CELA2B: variants seen among roughly 807,000 people sequenced by gnomAD.
The protein encoded by CELA2B is chymotrypsin like elastase 2B, also known as chymotrypsin-like elastase family member 2B.
Under a neutral mutation model 36.5 loss-of-function variants are expected in CELA2B, and 27 were observed. The ratio of observed to expected loss-of-function variants is 0.74; its 90% CI spans 0.55 to 1.02. The LOEUF is 1.02. Ranked by LOEUF, CELA2B falls within the 50% of genes least tolerant of loss-of-function variation. The pLI is 0.00. For synonymous variants in CELA2B, 143 were observed against 148.5 expected (o/e 0.96, Z 0.27); for missense variants, 340 against 347.8 (o/e 0.98, Z 0.18).
chr1:15,480,734 C>T (rs1708729845), intron 2 of CELA2B, among the ~76,000 whole-genome samples: 1 of 152,086 alleles, frequency 6.6e-6, no homozygotes, highest in Non-Finnish European at 1.5e-5. Flanking sequence ...ATTATGGGAA[C>T]TATAATTCAG....
At chr1:15,481,689 T>C in intron 3 of CELA2B, 1 of 471,032 alleles carries the variant, frequency 2.1e-6, no homozygotes, top group Non-Finnish European at 4.4e-6. Context: ...TGTTCACTTA[T>C]CCTCTTCTTT....
intron 5 of CELA2B, among the ~76,000 whole-genome samples, chr1:15,484,223 T>A (rs1183139456): frequency 1.3e-5 from 2 of 152,170 alleles, no homozygotes; most frequent in Non-Finnish European, 2.9e-5. Flanking sequence ...CTGTGCCATT[T>A]GGTCTTGCTA....
At chr1:15,480,729 G>A (rs571986609) in intron 2 of CELA2B, among the ~76,000 whole-genome samples, 2 of 152,148 alleles carry the variant, frequency 1.3e-5, no homozygotes, top group African/African-American at 4.8e-5. Flanking sequence ...TGGGGATTAT[G>A]GGAACTATAA....
chr1:15,479,569 A>C (rs1197572458), intron 2 of CELA2B, among the ~76,000 whole-genome samples: 1 of 152,148 alleles, frequency 6.6e-6, no homozygotes, highest in East Asian at 1.9e-4. Flanking sequence ...AATAAAGTGG[A>C]AGAGACAATA....
At chr1:15,480,090 T>G (rs1340928073) in intron 2 of CELA2B, among the ~76,000 whole-genome samples, 1 of 151,994 alleles carries the variant, frequency 6.6e-6, no homozygotes, top group Non-Finnish European at 1.5e-5. Flanking sequence ...TGAGAAAATG[T>G]GGGTGGGAAT....
At chr1:15,488,908 G>A (rs1305760167) in intron 7 of CELA2B, among the ~76,000 whole-genome samples, 1 of 152,180 alleles carries the variant, frequency 6.6e-6, no homozygotes, top group Non-Finnish European at 1.5e-5. Context: ...TTGCCAACAA[G>A]TGGTCATAGG....
Position 15,491,365 on chromosome 1 carries a change from A to T in CELA2B, c.*53A>T. 1.3e-6 allele frequency: 2 copies of T among 1,596,514 alleles called. No individual in the cohort carries two copies. The highest frequency in any genetic ancestry group is 1.7e-4 in the Middle Eastern group (1 of 6,030). ...GACTTGGAAAGGTCACAGAAGGAAA[A>T]TAATATTATATAAAGTGACAACTAT... On this transcript the variant is annotated 3_prime_UTR_variant, in exon 8 of 8. Coordinates refer to ENST00000375910, the MANE Select transcript of CELA2B (RefSeq NM_015849.3).
At chr1:15,481,061 T>C (rs765923396) in intron 2 of CELA2B, 37 bp from the exon 3 acceptor site, 534 of 1,611,316 alleles carry the variant, frequency 3.3e-4, no homozygotes, top group Non-Finnish European at 4.3e-4. Flanking sequence ...AGGCCCTGCT[T>C]TTTCAGCCAC....
At chr1:15,480,109 G>A (rs1708721368) in intron 2 of CELA2B, among the ~76,000 whole-genome samples, 1 of 152,168 alleles carries the variant, frequency 6.6e-6, no homozygotes, top group South Asian at 2.1e-4. Context: ...ATGGGGAGAA[G>A]AGATGGGAGA....
At chr1:15,490,744 C>T (rs1708874226) in intron 7 of CELA2B, 1 of 155,296 alleles carries the variant, frequency 6.4e-6, no homozygotes. Flanking sequence ...GTGGTGCACA[C>T]CTGTAATATC....
At chr1:15,481,859 C>T (rs1360097476) in intron 3 of CELA2B, 1 of 418,380 alleles carries the variant, frequency 2.4e-6, no homozygotes, top group Non-Finnish European at 4.9e-6. Context: ...GTCCTGGCTT[C>T]TAGTTCTGAT....
chr1:15,481,349 G>C (rs1222858008), intron 3 of CELA2B, among the ~76,000 whole-genome samples, 154 bp downstream of exon 3: 2 of 152,214 alleles, frequency 1.3e-5, no homozygotes, highest in Non-Finnish European at 1.5e-5. Context: ...CAATGGTTCA[G>C]TGTGTTGGCC....
intron 2 of CELA2B, among the ~76,000 whole-genome samples, chr1:15,480,660 G>A (rs1188293431): frequency 6.6e-6 from 1 of 152,122 alleles, no homozygotes; most frequent in African/African-American, 2.4e-5. Flanking sequence ...CACAAAAATA[G>A]CATGGGGTAA....
chr1:15,488,306 T>C (rs967527884), intron 7 of CELA2B, among the ~76,000 whole-genome samples: 24 of 152,150 alleles, frequency 1.6e-4, no homozygotes, highest in African/African-American at 5.3e-4. Context: ...AGGATCGCTT[T>C]GGCCCAAGAG....
intron 7 of CELA2B, among the ~76,000 whole-genome samples, chr1:15,488,555 G>A (rs141656971): frequency 1.4e-4 from 22 of 152,256 alleles, no homozygotes; most frequent in Admixed American, 2.6e-4. Context: ...GAGAAGAGGC[G>A]GATACTTTGT....
chr1:15,486,781 T>C (rs546048219), intron 6 of CELA2B, among the ~76,000 whole-genome samples: 4 of 152,286 alleles, frequency 2.6e-5, no homozygotes, highest in South Asian at 2.1e-4. Context: ...CCACCAGGAA[T>C]TGCTCTGTGT....
intron 4 of CELA2B, among the ~76,000 whole-genome samples, chr1:15,482,768 G>A (rs562313336): frequency 2.0e-5 from 3 of 152,046 alleles, no homozygotes; most frequent in East Asian, 1.9e-4. Context: ...AAAGCCCTCC[G>A]CATTTTCTTT....
rs773698946 is a variant in CELA2B at position 15,482,270 on chromosome 1, C to T, written c.233C>T (p.Ser78Phe). 1.9e-6 allele frequency: 3 copies of T among 1,613,904 alleles called. 1 individual carries two copies. Residue 78 changes from serine (S) to phenylalanine (F), a missense_variant, in exon 4 of 8, where the codon TCC becomes TTC. Physicochemically the swap from Ser to Phe is radical, Grantham distance 155. Transcript: ENST00000375910. ...CTGGGACCCCTTTCTCCCAGCTCCTCCGGGATCTACCGCGTGATGCTGGGC... is the reference window on the plus strand; with the variant it reads ...CTGGGACCCCTTTCTCCCAGCTCCTTCGGGATCTACCGCGTGATGCTGGGC... Reference protein sequence around the residue: ...VLTAAHCISSSGIYRVMLGQH... With the variant: ...VLTAAHCISSFGIYRVMLGQH...
At chr1:15,483,803 C>G (rs58759605) in intron 5 of CELA2B, among the ~76,000 whole-genome samples, 2,432 of 152,074 alleles carry the variant, frequency 0.016, 71 homozygotes, top group African/African-American at 0.055. Flanking sequence ...GTGTTGTGCG[C>G]CTGTAGTCCG....
Sources: allele counts gnomAD v4.1 joint callset (sites outside exome capture counted in the v4.1 genomes callset), GRCh38; gene constraint gnomAD v4.1.1; transcripts MANE v1.5; gene names NCBI Gene and HGNC (gene_info 2026-07-23, HGNC 2026-07-21).